Variants in L3MBTL4 observed in about 807,000 individuals in gnomAD.
L3MBTL4 encodes lethal(3)malignant brain tumor-like protein 4.
L3MBTL4 carries 70 observed loss-of-function variants against 84.5 expected under a neutral mutation model. That is an observed-to-expected ratio of 0.83 (90% CI 0.68 to 1.01). The LOEUF (loss-of-function observed/expected upper bound fraction) is 1.01. L3MBTL4 is among the 50% of genes least tolerant of loss of function. The probability of loss-of-function intolerance (pLI) is 0.00; values close to 1 mark genes in which losing one functional copy is unlikely to be tolerated. For missense variants in L3MBTL4, 715 were observed against 754.8 expected (o/e 0.95, Z 0.62); for synonymous variants, 274 against 259.8 (o/e 1.05, Z -0.52).
chr18:6,094,882 C>T (rs1411516333), intron 14 of L3MBTL4, among the ~76,000 whole-genome samples: 1 of 152,138 alleles, frequency 6.6e-6, no homozygotes, highest in Admixed American at 6.5e-5. Context: ...TGATCTATAC[C>T]TGTATCAGCA....
intron 12 of L3MBTL4, among the ~76,000 whole-genome samples, chr18:6,202,432 C>T (rs2045686795): frequency 6.6e-6 from 1 of 151,980 alleles, no homozygotes; most frequent in African/African-American, 2.4e-5. Context: ...TCATGTGGTC[C>T]AGTCCATATG....
intron 13 of L3MBTL4, among the ~76,000 whole-genome samples, chr18:6,166,448 T>C (rs1330724153): frequency 2.0e-5 from 3 of 152,008 alleles, no homozygotes; most frequent in African/African-American, 7.3e-5. Context: ...CCTCAGCAAA[T>C]GTAAAAGAAC....
chr18:6,305,355 G>T (rs570018520), intron 3 of L3MBTL4, among the ~76,000 whole-genome samples: 1 of 152,138 alleles, frequency 6.6e-6, no homozygotes, highest in East Asian at 1.9e-4. Flanking sequence ...TAAAGAAATT[G>T]GACTAAATGT....
chr18:6,272,400 GGGAGTTGT>G (rs2048917183), intron 4 of L3MBTL4, among the ~76,000 whole-genome samples: 1 of 149,664 alleles, frequency 6.7e-6, no homozygotes, highest in Non-Finnish European at 1.5e-5. Context: ...CGGGGAAAGG[GGGAGTTGT>G]GCAGATTCAA....
intron 16 of L3MBTL4, chr18:6,030,435 T>A: frequency 1.0e-6 from 1 of 984,496 alleles, no homozygotes; most frequent in Non-Finnish European, 1.2e-6. Flanking sequence ...GACTTTATCA[T>A]CAGGTATTAA....
chr18:6,382,886 G>A (rs554734518), intron 1 of L3MBTL4, among the ~76,000 whole-genome samples: 7 of 152,192 alleles, frequency 4.6e-5, no homozygotes, highest in East Asian at 1.9e-4. Flanking sequence ...AGGCAGGGAC[G>A]TTTAAGTCTG....
intron 16 of L3MBTL4, among the ~76,000 whole-genome samples, chr18:6,023,864 T>C (rs923124955): frequency 3.5e-5 from 5 of 141,742 alleles, no homozygotes; most frequent in Admixed American, 9.2e-5. Context: ...CAGTGGTAGA[T>C]TTATTATTTG....
At chr18:6,296,701 A>G (rs1025239009) in intron 4 of L3MBTL4, among the ~76,000 whole-genome samples, 1 of 152,136 alleles carries the variant, frequency 6.6e-6, no homozygotes, top group Non-Finnish European at 1.5e-5. Context: ...GTAACATTCT[A>G]GGGAAGGGGG....
rs572111941 is a variant in L3MBTL4, at chr18:6,199,023, A to C, written c.981+14126T>G. Among the ~76,000 whole-genome samples, 13 of 152,320 alleles carry C rather than the reference A, an allele frequency of 8.5e-5. No homozygotes were observed. The East Asian group carries it at 2.5e-3, about 29-fold the overall frequency. On this transcript the variant is annotated intron_variant, in intron 12 of 18. Transcript: ENST00000317931. Reference sequence around the variant, plus strand: ...ATTTCTCCCCACTCATTTAAATTACATTTTTGATTTCTAAAGAGGGAAAAA... The same window carrying C: ...ATTTCTCCCCACTCATTTAAATTACCTTTTTGATTTCTAAAGAGGGAAAAA...
Position 6,222,530 on chromosome 18 carries a change from G to A in L3MBTL4, c.785-6695C>T, listed in dbSNP as rs76167457. On this transcript the variant is annotated intron_variant, in intron 10 of 18. Coordinates refer to ENST00000317931, the MANE Select transcript of L3MBTL4 (RefSeq NM_001330559.2). ...GGATCTAATCTAACCCAATGTTTTG[G>A]CAGGCATTTGAGACAGAGTAATGAG... Among the ~76,000 whole-genome samples, 438 of 152,242 alleles carry A rather than the reference G, an allele frequency of 2.9e-3. 2 individuals are homozygous for A. The highest frequency in any genetic ancestry group is 0.01 in the African/African-American group (417 of 41,548).
At chr18:6,201,324 G>T (rs1488581950) in intron 12 of L3MBTL4, among the ~76,000 whole-genome samples, 1 of 152,128 alleles carries the variant, frequency 6.6e-6, no homozygotes, top group Non-Finnish European at 1.5e-5. Context: ...TTTGGTCATG[G>T]GAATATCGGC....
At chr18:6,029,394 G>A in intron 16 of L3MBTL4, 3 of 854,868 alleles carry the variant, frequency 3.5e-6, no homozygotes, top group Non-Finnish European at 4.2e-6. Flanking sequence ...TTATTTGTAG[G>A]TGACATGTTT....
intron 16 of L3MBTL4, among the ~76,000 whole-genome samples, chr18:5,975,783 G>A (rs1567937891): frequency 6.6e-6 from 1 of 152,180 alleles, no homozygotes; most frequent in Non-Finnish European, 1.5e-5. Context: ...CCTCAGGAAC[G>A]CTCCTCTCTC....
chr18:6,213,505 C>T (rs1287487763), intron 11 of L3MBTL4, among the ~76,000 whole-genome samples: 4 of 152,112 alleles, frequency 2.6e-5, no homozygotes, highest in East Asian at 1.9e-4. Flanking sequence ...CTCCACCTTC[C>T]GGGTTCAAGC....
chr18:6,372,618 T>A (rs950456818), intron 1 of L3MBTL4, among the ~76,000 whole-genome samples: 2 of 152,190 alleles, frequency 1.3e-5, no homozygotes. Context: ...CACAAAGCAA[T>A]CCCAGTTCAC....
chr18:6,369,189 G>A (rs143590816), intron 1 of L3MBTL4, among the ~76,000 whole-genome samples: 1 of 152,212 alleles, frequency 6.6e-6, no homozygotes, highest in African/African-American at 2.4e-5. Context: ...CCCCACATAC[G>A]GTTTGAGAGC....
Position 6,236,154 on chromosome 18 carries a change from G to A in L3MBTL4, c.784+1810C>T, listed in dbSNP as rs551141941. Among the ~76,000 whole-genome samples the A allele has an allele frequency of 6.6e-5, 10 of 152,170 alleles. No individual in the cohort carries two copies. The South Asian group carries it at 1.5e-3, about 22-fold the overall frequency. On this transcript the variant is annotated intron_variant, in intron 10 of 18. Transcript: ENST00000317931. ...AGCAAAAACAATTGTGAAAAAGAAC[G>A]GTGCTGGAGGACTCATGTGTTCCAA... is the stretch of plus-strand genomic sequence containing the variant.
chr18:6,049,079 C>T (rs767261191), intron 16 of L3MBTL4, among the ~76,000 whole-genome samples: 2 of 151,972 alleles, frequency 1.3e-5, no homozygotes, highest in Non-Finnish European at 2.9e-5. Context: ...TGAGCCCAGG[C>T]GTTTGAGACT....
chr18:6,235,823 A>G (rs2047194774), intron 10 of L3MBTL4, among the ~76,000 whole-genome samples: 1 of 152,248 alleles, frequency 6.6e-6, no homozygotes, highest in Admixed American at 6.5e-5. Context: ...AAAATGGTTA[A>G]CTGTATGCTG....
Sources: gnomAD v4.1 joint callset for allele counts (sites outside exome capture counted in the v4.1 genomes callset) on GRCh38, gnomAD v4.1.1 for gene constraint, MANE v1.5 for transcripts, NCBI Gene and HGNC (gene_info 2026-07-23, HGNC 2026-07-21) for gene names.